KRT82: variants seen among roughly 807,000 people sequenced by gnomAD.
KRT82 encodes keratin 82.
Under a neutral mutation model 48.0 loss-of-function variants are expected in KRT82, and 44 were observed. The ratio of observed to expected loss-of-function variants is 0.92; its 90% CI spans 0.72 to 1.18. The LOEUF (loss-of-function observed/expected upper bound fraction) is 1.18, where lower values mean the gene tolerates loss of function less well. Ranked by LOEUF, KRT82 falls within the 50% of genes most tolerant of loss-of-function variation. KRT82 has a pLI of 0.00. For missense variants in KRT82, 701 were observed against 671.4 expected (o/e 1.04, Z -0.49); for synonymous variants, 297 against 278.3 (o/e 1.07, Z -0.67).
At chr12:52,399,137 C>T (rs1446831622) in intron 5 of KRT82, among the ~76,000 whole-genome samples, 1 of 152,306 alleles carries the variant, frequency 6.6e-6, no homozygotes, top group Admixed American at 6.5e-5. Context: ...TGCTGGCCAC[C>T]CTAATTGAAA....
intron 3 of KRT82, 50 bp from the exon 4 acceptor site, chr12:52,400,672 C>A: frequency 2.3e-6 from 3 of 1,332,086 alleles, no homozygotes; most frequent in Non-Finnish European, 3.2e-6. Flanking sequence ...ACCTCCCAGG[C>A]AAGCTGGTGG....
intron 6 of KRT82, among the ~76,000 whole-genome samples, chr12:52,396,601 T>C (rs1732268): frequency 0.81 from 123,688 of 152,132 alleles, 50,763 homozygotes; most frequent in African/African-American, 0.93. Context: ...GACCGTGGAG[T>C]GCATCTTTTC....
At chr12:52,397,673 C>T (rs1040441504) in intron 5 of KRT82, among the ~76,000 whole-genome samples, 4 of 152,188 alleles carry the variant, frequency 2.6e-5, no homozygotes, top group Non-Finnish European at 5.9e-5. Context: ...CACATAATCA[C>T]ACTCATTGGC....
Position 52,394,946 on chromosome 12 carries a change from G to A in KRT82, c.*29C>T, listed in dbSNP as rs753324030. 3.8e-6 allele frequency: 6 copies of A among 1,582,082 alleles called. No homozygotes were observed. The highest frequency in any genetic ancestry group is 2.7e-5 in the African/African-American group (2 of 74,342). ...TGACATCCAGGGCCATGGGGCAGGG[G>A]CTCTGTCTCCTGGATGTCTCGGATC... On this transcript the variant is annotated 3_prime_UTR_variant, in exon 9 of 9. Transcript: ENST00000257974.
intron 2 of KRT82, among the ~76,000 whole-genome samples, chr12:52,401,578 G>T (rs963458286): frequency 6.6e-6 from 1 of 152,144 alleles, no homozygotes; most frequent in African/African-American, 2.4e-5. Flanking sequence ...CTTCTCCCGC[G>T]ATGAGTCCTC....
chr12:52,394,153 C>T lies in KRT82; in HGVS notation c.*822G>A, dbSNP rs1333805908. The T allele has an allele frequency of 2.0e-5, 3 of 152,230 alleles. No individual in the cohort carries two copies. Among genetic ancestry groups the T allele is most frequent in the Non-Finnish European group, 4.4e-5 (3 of 68,100 alleles). 9.4% of individuals were successfully genotyped at this position (152,230 alleles called of 1,614,324 possible). ...CATATCAGACTCAAAGCAAAAGGAGCTAAAGGGTTGGGGAACAGGAAGGGG... is the reference window on the plus strand; with the variant it reads ...CATATCAGACTCAAAGCAAAAGGAGTTAAAGGGTTGGGGAACAGGAAGGGG... On this transcript the variant is annotated 3_prime_UTR_variant, in exon 9 of 9. Transcript: ENST00000257974.
At chr12:52,402,965 C>T (rs1939808811) in intron 2 of KRT82, among the ~76,000 whole-genome samples, 1 of 152,162 alleles carries the variant, frequency 6.6e-6, no homozygotes, top group South Asian at 2.1e-4. Flanking sequence ...CACTGGATTC[C>T]CATAGGACAC....
chr12:52,405,822 A>T, intron 1 of KRT82, 45 bp downstream of exon 1: 1 of 1,555,242 alleles, frequency 6.4e-7, no homozygotes, highest in Non-Finnish European at 8.7e-7. Flanking sequence ...CAGACCCCAG[A>T]TCTGCAGTGG....
intron 7 of KRT82, 31 bp from the exon 8 acceptor site, chr12:52,395,821 T>A (rs1732266): frequency 0.78 from 1,170,360 of 1,508,170 alleles, 456,405 homozygotes; most frequent in African/African-American, 0.93. Context: ...AAAACAGGTA[T>A]CTACATCAAA....
rs542873177 is a variant in KRT82 at position 52,394,392 on chromosome 12, C to G, written c.*583G>C. Reference sequence around the variant, plus strand: ...ATACCTGAGAAAGTAAATCTACTGCCCAAAGGCCACCTCTTGATTCTCTGT... The same window carrying G: ...ATACCTGAGAAAGTAAATCTACTGCGCAAAGGCCACCTCTTGATTCTCTGT... On this transcript the variant is annotated 3_prime_UTR_variant, in exon 9 of 9. Transcript: ENST00000257974. 6.5e-6 allele frequency: 1 copy of G among 153,844 alleles called. No homozygotes were observed. The highest frequency in any genetic ancestry group is 2.4e-5 in the African/African-American group (1 of 41,582). The allele number at this position is 153,844 out of a possible 1,614,324, so 9.5% of individuals were successfully genotyped here.
intron 1 of KRT82, 75 bp from the exon 2 acceptor site, chr12:52,403,984 G>C: frequency 7.1e-7 from 1 of 1,406,532 alleles, no homozygotes; most frequent in Non-Finnish European, 9.7e-7. Context: ...AATGGAATGA[G>C]TTTCTGCCCT....
At chr12:52,398,206 G>T (rs1279691057) in intron 5 of KRT82, among the ~76,000 whole-genome samples, 1 of 152,182 alleles carries the variant, frequency 6.6e-6, no homozygotes, top group Non-Finnish European at 1.5e-5. Flanking sequence ...GCTGGGTAGG[G>T]CTTCTGGGTA....
intron 5 of KRT82, among the ~76,000 whole-genome samples, chr12:52,399,263 C>T (rs1051529428): frequency 1.3e-5 from 2 of 152,208 alleles, no homozygotes; most frequent in Non-Finnish European, 2.9e-5. Flanking sequence ...CATCACCCTG[C>T]CCCTCCAACC....
In KRT82 at chr12:52,400,166, T is replaced by G. The variant is rs754594845; in HGVS notation, c.778-17A>C. The G allele has an allele frequency of 6.2e-7, 1 of 1,607,508 alleles. No homozygotes were observed. Among genetic ancestry groups the G allele is most frequent in the Non-Finnish European group, 8.5e-7 (1 of 1,175,442 alleles). On this transcript the variant is annotated splice_polypyrimidine_tract_variant and intron_variant, in intron 4 of 8. Coordinates refer to ENST00000257974, the MANE Select transcript of KRT82 (RefSeq NM_033033.4). ...GCAGATCTCCTGGGGGCAGGGCCCA[T>G]GTGAGAAGGAGTGAGCTCTCTGAGC...
intron 6 of KRT82, among the ~76,000 whole-genome samples, 162 bp from the exon 7 acceptor site, chr12:52,396,394 T>G (rs1432715227): frequency 6.6e-6 from 1 of 152,248 alleles, no homozygotes; most frequent in Middle Eastern, 3.4e-3. Flanking sequence ...CTGGGATGGG[T>G]TTTCTGTCTA....
intron 3 of KRT82, 106 bp from the exon 4 acceptor site, chr12:52,400,728 G>C: frequency 1.3e-6 from 1 of 770,752 alleles, no homozygotes; most frequent in Non-Finnish European, 2.2e-6. Context: ...ACACCCATGG[G>C]CATCGAAGGG....
intron 2 of KRT82, among the ~76,000 whole-genome samples, chr12:52,402,563 C>T (rs1325387201): frequency 1.3e-5 from 2 of 152,224 alleles, no homozygotes; most frequent in African/African-American, 4.8e-5. Context: ...CCATTATCCT[C>T]CAAGGGCCAG....
rs770730185 is a variant in KRT82 at position 52,406,297 on chromosome 12, G to A, written c.-20C>T. 1 of 1,555,468 alleles carries A rather than the reference G, an allele frequency of 6.4e-7. No homozygotes were observed. The highest frequency in any genetic ancestry group is 1.8e-5 in the Admixed American group (1 of 54,576). ...CGACATGGCAGGAGAGAGAGGCAGA[G>A]AAATGCGGCCCTGGAGGAAAGAACC... On this transcript the variant is annotated 5_prime_UTR_variant, in exon 1 of 9. Transcript: ENST00000257974.
intron 3 of KRT82, among the ~76,000 whole-genome samples, chr12:52,401,045 G>A (rs888016347): frequency 6.6e-6 from 1 of 152,206 alleles, no homozygotes; most frequent in African/African-American, 2.4e-5. Context: ...GCTTCGGCCT[G>A]CATGAGTGGG....
Sources: allele counts gnomAD v4.1 joint callset (sites outside exome capture counted in the v4.1 genomes callset), GRCh38; gene constraint gnomAD v4.1.1; transcripts MANE v1.5; gene names NCBI Gene and HGNC (gene_info 2026-07-23, HGNC 2026-07-21).